The following PDE6D variants were observed in gnomAD, a reference collection of about 807,000 sequenced individuals.
PDE6D encodes the protein retinal rod rhodopsin-sensitive cGMP 3',5'-cyclic phosphodiesterase subunit delta.
Under a neutral mutation model 21.9 loss-of-function variants are expected in PDE6D, and 10 were observed. The observed-to-expected ratio is 0.46, with a 90% CI of 0.28 to 0.78. The LOEUF (loss-of-function observed/expected upper bound fraction) is 0.78. Ranked by LOEUF, PDE6D falls within the 30% of genes least tolerant of loss-of-function variation. The pLI is 0.12. For missense variants in PDE6D, 139 were observed against 184.8 expected, an observed-to-expected ratio of 0.75 and a Z score of 1.44; for synonymous variants, 59 against 63.5, an observed-to-expected ratio of 0.93 and a Z score of 0.34.
At chr2:231,780,659 C>T (rs1462773046) in intron 1 of PDE6D, among the ~76,000 whole-genome samples, 11 of 152,184 alleles carry the variant, frequency 7.2e-5, no homozygotes, top group Admixed American at 7.2e-4. Flanking sequence ...GCCAAAGAGG[C>T]TTCTAGGCTT....
At chr2:231,751,104 G>C (rs944722923) in intron 1 of PDE6D, among the ~76,000 whole-genome samples, 1 of 150,582 alleles carries the variant, frequency 6.6e-6, no homozygotes, top group Non-Finnish European at 1.5e-5. Flanking sequence ...GTTTTATCAG[G>C]TGTTATTCTA....
Position 231,781,249 on chromosome 2 carries a change from C to G in PDE6D, c.-135G>C, listed in dbSNP as rs1007838431. On this transcript the variant is annotated 5_prime_UTR_variant, in exon 1 of 5. Coordinates refer to ENST00000287600, the MANE Select transcript of PDE6D (RefSeq NM_002601.4). ...GCAGCCGCAGCGGCCAGACCAGGAC[C>G]GGCCTCTCTCTCCCCTCAGCTCCCG... is the stretch of plus-strand genomic sequence containing the variant. 33 of 744,118 alleles carry G rather than the reference C, an allele frequency of 4.4e-5. No homozygotes were observed. In the East Asian group the frequency reaches 4.5e-4, roughly 10 times the overall value. 46.1% of individuals were successfully genotyped at this position (744,118 alleles called of 1,614,324 possible).
chr2:231,739,096 G>T lies in PDE6D; in HGVS notation c.139+4C>A. 2 of 1,596,890 alleles carry T rather than the reference G, an allele frequency of 1.3e-6. No individual in the cohort carries two copies. Among genetic ancestry groups the T allele is most frequent in the Non-Finnish European group, 1.7e-6 (2 of 1,164,374 alleles). ...CCCTGTGTAGATAAAGGGTTGGAAA[G>T]TACCTTCATGCTCCACACCAGGGAC... On this transcript the variant is annotated splice_donor_region_variant and intron_variant, in intron 2 of 4. Coordinates refer to ENST00000287600, the MANE Select transcript of PDE6D (RefSeq NM_002601.4). The surrounding 1 kb of genome is among the most constrained non-coding windows in gnomAD (Gnocchi z 4.2).
In PDE6D at chr2:231,776,492, G is replaced by A. The variant is rs541414355; in HGVS notation, c.50+4573C>T. Among the ~76,000 whole-genome samples the A allele has an allele frequency of 5.9e-5, 9 of 152,096 alleles. No homozygotes were observed. In the East Asian group the frequency reaches 1.7e-3, roughly 29 times the overall value. On this transcript the variant is annotated intron_variant, in intron 1 of 4. Transcript: ENST00000287600. ...TTTATAAAAAACACATTAAACATTA[G>A]CTACATTAGAAGGCTATATTAAATA...
chr2:231,769,258 TG>T (rs2048996621), intron 1 of PDE6D, among the ~76,000 whole-genome samples: 1 of 152,206 alleles, frequency 6.6e-6, no homozygotes. Context: ...GGCCAGTGAG[TG>T]GCAGCACTAT....
At chr2:231,762,383 C>G (rs1198668429) in intron 1 of PDE6D, among the ~76,000 whole-genome samples, 1 of 130,994 alleles carries the variant, frequency 7.6e-6, no homozygotes, top group African/African-American at 3.0e-5. Context: ...CTTGCTCTGT[C>G]GACCAGGCTG....
intron 1 of PDE6D, among the ~76,000 whole-genome samples, chr2:231,756,089 C>T (rs1365640649): frequency 3.3e-5 from 5 of 151,980 alleles, no homozygotes; most frequent in Admixed American, 2.6e-4. Context: ...TATAAAAGTT[C>T]CCTAATTACA....
chr2:231,766,740 C>T (rs111788918), intron 1 of PDE6D, among the ~76,000 whole-genome samples: 9,529 of 152,068 alleles, frequency 0.063, 927 homozygotes, highest in African/African-American at 0.21. Context: ...TGCCTATTAT[C>T]CCAGTACTTT....
intron 1 of PDE6D, among the ~76,000 whole-genome samples, chr2:231,775,458 A>G: frequency 6.8e-6 from 1 of 146,700 alleles, no homozygotes; most frequent in South Asian, 2.2e-4. Context: ...ACAAGCATGC[A>G]CCACCACACC....
At position 231,781,243 on chromosome 2, in the gene PDE6D, C is replaced by T; in HGVS notation, c.-129G>A. ...GGGCTAGCAGCCGCAGCGGCCAGAC[C>T]AGGACCGGCCTCTCTCTCCCCTCAG... is the stretch of plus-strand genomic sequence containing the variant. On this transcript the variant is annotated 5_prime_UTR_variant, in exon 1 of 5. Transcript: ENST00000287600. 1 of 790,800 alleles carries T rather than the reference C, an allele frequency of 1.3e-6. No individual in the cohort carries two copies. Among genetic ancestry groups the T allele is most frequent in the South Asian group, 1.6e-5 (1 of 62,852 alleles). 49.0% of individuals were successfully genotyped at this position (790,800 alleles called of 1,614,324 possible).
At chr2:231,738,656 C>T (rs968480529) in intron 2 of PDE6D, among the ~76,000 whole-genome samples, 6 of 152,072 alleles carry the variant, frequency 3.9e-5, no homozygotes, top group Non-Finnish European at 8.8e-5. Context: ...TGGCTCACAC[C>T]TGTAATCCCA....
At chr2:231,764,114 T>G (rs2048952503) in intron 1 of PDE6D, among the ~76,000 whole-genome samples, 1 of 152,132 alleles carries the variant, frequency 6.6e-6, no homozygotes, top group African/African-American at 2.4e-5. Context: ...TCTAGTCTTG[T>G]GTGAGTGTTC....
In PDE6D at chr2:231,754,523, A is replaced by ATT. The variant is rs34036079; in HGVS notation, c.51-15337_51-15336dup. Among the ~76,000 whole-genome samples, 289 of 128,968 alleles carry ATT rather than the reference A, an allele frequency of 2.2e-3. 2 individuals are homozygous for ATT. The highest frequency in any genetic ancestry group is 7.4e-3 in the African/African-American group (256 of 34,710). 84.6% of individuals were successfully genotyped at this position (128,968 alleles called of 152,430 possible). ...AGGCGCCCACCACCATGCCTGGCTA[A>ATT]TTTTTTTTTTTTTTTTTTTGGTATT... On this transcript the variant is annotated intron_variant, in intron 1 of 4. Coordinates refer to ENST00000287600, the MANE Select transcript of PDE6D (RefSeq NM_002601.4).
chr2:231,780,228 C>T (rs1286410347), intron 1 of PDE6D, among the ~76,000 whole-genome samples: 1 of 152,154 alleles, frequency 6.6e-6, no homozygotes, highest in African/African-American at 2.4e-5. Context: ...TACCGTGGCC[C>T]CAGCGACATC....
chr2:231,752,466 C>T (rs1188392142), intron 1 of PDE6D, among the ~76,000 whole-genome samples: 2 of 152,148 alleles, frequency 1.3e-5, no homozygotes, highest in Non-Finnish European at 2.9e-5. Flanking sequence ...CATTATTATG[C>T]CATAATTCTT....
chr2:231,757,870 T>C (rs2048895269), intron 1 of PDE6D, among the ~76,000 whole-genome samples: 1 of 152,064 alleles, frequency 6.6e-6, no homozygotes. Context: ...TACAGAAAGT[T>C]TGGAAAATAG....
intron 1 of PDE6D, among the ~76,000 whole-genome samples, chr2:231,743,528 CA>C (rs2048767823): frequency 6.6e-6 from 1 of 151,896 alleles, no homozygotes; most frequent in South Asian, 2.1e-4. Flanking sequence ...TCTGTGCACT[CA>C]ACCTGCTTGT....
At chr2:231,750,561 A>G (rs1234630362) in intron 1 of PDE6D, among the ~76,000 whole-genome samples, 1 of 142,492 alleles carries the variant, frequency 7.0e-6, no homozygotes, top group African/African-American at 2.7e-5. Flanking sequence ...CTGGAGTGCG[A>G]TCTCAGCTCA....
rs143026722 is a variant in PDE6D at position 231,741,659 on chromosome 2, G to A, written c.51-2471C>T. On this transcript the variant is annotated intron_variant, in intron 1 of 4. Coordinates refer to ENST00000287600, the MANE Select transcript of PDE6D (RefSeq NM_002601.4). ...TGGAAAGGAGATTTATACAATTAGA[G>A]GGAGATTTTGGGGTCAAATTCATGA... 2.0e-5 allele frequency among the ~76,000 whole-genome samples: 3 copies of A among 152,304 alleles called. No homozygotes were observed. In the East Asian group the frequency reaches 5.8e-4, roughly 29 times the overall value.
Sources: allele counts gnomAD v4.1 joint callset (sites outside exome capture counted in the v4.1 genomes callset), GRCh38; gene constraint gnomAD v4.1.1; non-coding constraint Gnocchi (gnomAD v3.1); transcripts MANE v1.5; gene names NCBI Gene and HGNC (gene_info 2026-07-23, HGNC 2026-07-21).